Variants in MYO16 observed in about 807,000 individuals in gnomAD.
MYO16 encodes the protein myosin XVI.
A neutral mutation model predicts 205.3 loss-of-function variants in MYO16; 94 were observed. The ratio of observed to expected loss-of-function variants is 0.46; its 90% CI spans 0.39 to 0.54. The LOEUF (loss-of-function observed/expected upper bound fraction) is 0.54. Ranked by LOEUF, MYO16 falls within the 20% of genes least tolerant of loss-of-function variation. MYO16 has a pLI of 0.00. For missense variants in MYO16, 2,315 were observed against 2,387.5 expected (o/e 0.97, Z 0.63); for synonymous variants, 988 against 954.0 (o/e 1.04, Z -0.66).
intron 21 of MYO16, among the ~76,000 whole-genome samples, chr13:108,994,494 AT>A (rs1299623729): frequency 1.3e-5 from 2 of 151,892 alleles, no homozygotes; most frequent in Admixed American, 6.6e-5. Flanking sequence ...TTTGCATGTA[AT>A]TTTTTTTAAG....
intron 7 of MYO16, among the ~76,000 whole-genome samples, chr13:108,810,408 G>C (rs1887253616): frequency 6.6e-6 from 1 of 151,038 alleles, no homozygotes; most frequent in Non-Finnish European, 1.5e-5. Context: ...TGAGGCTTTT[G>C]TTTCAGAATA....
intron 16 of MYO16, among the ~76,000 whole-genome samples, chr13:108,951,925 G>A (rs975001181): frequency 3.9e-5 from 6 of 152,064 alleles, no homozygotes; most frequent in Non-Finnish European, 7.4e-5. Flanking sequence ...CCAACATGGC[G>A]AAATGCCATC....
chr13:108,730,112 C>T (rs1156961083), intron 4 of MYO16, among the ~76,000 whole-genome samples: 1 of 152,182 alleles, frequency 6.6e-6, no homozygotes, highest in Non-Finnish European at 1.5e-5. Flanking sequence ...GCCATGTCCC[C>T]ACTCCAATCT....
chr13:108,803,298 T>G (rs1222701074), intron 6 of MYO16, among the ~76,000 whole-genome samples: 1 of 152,218 alleles, frequency 6.6e-6, no homozygotes, highest in Non-Finnish European at 1.5e-5. Context: ...TAGTGCTACT[T>G]ATTTTAATTT....
intron 7 of MYO16, among the ~76,000 whole-genome samples, chr13:108,807,064 A>T (rs1887137581): frequency 6.6e-6 from 1 of 152,176 alleles, no homozygotes; most frequent in African/African-American, 2.4e-5. Context: ...CATAATACGG[A>T]TTTAAAATGT....
intron 2 of MYO16, among the ~76,000 whole-genome samples, chr13:108,687,929 C>T (rs185943618): frequency 7.2e-5 from 11 of 152,212 alleles, no homozygotes; most frequent in East Asian, 3.9e-4. Context: ...ACTGTGAGAA[C>T]GATGAGGAGC....
At chr13:109,156,406 A>G (rs1878033517) in intron 32 of MYO16, among the ~76,000 whole-genome samples, 1 of 152,174 alleles carries the variant, frequency 6.6e-6, no homozygotes, top group Non-Finnish European at 1.5e-5. Flanking sequence ...GAATTTTCCT[A>G]TAGAGTTTCA....
chr13:108,564,458 T>C, the MYO16 span, among the ~76,000 whole-genome samples: 2 of 152,152 alleles, frequency 1.3e-5, no homozygotes, highest in African/African-American at 4.8e-5. Context: ...TGTGAGCCAC[T>C]GCACCCGGTC....
the MYO16 span, among the ~76,000 whole-genome samples, chr13:108,517,746 T>G: frequency 6.6e-6 from 1 of 152,354 alleles, no homozygotes; most frequent in East Asian, 1.9e-4. Context: ...TTGTTATTAT[T>G]GTTTGCTGGC....
chr13:108,864,317 C>T (rs1442081472), intron 11 of MYO16, among the ~76,000 whole-genome samples: 1 of 152,000 alleles, frequency 6.6e-6, no homozygotes, highest in East Asian at 1.9e-4. Flanking sequence ...TTAGTTGCAT[C>T]CCACAAGTTA....
Position 108,967,303 on chromosome 13 carries a change from T to C in MYO16, c.2369+2401T>C, listed in dbSNP as rs1329780229. ...GTCTATTTGTTACACGATGGATTCA[T>C]TTCTTGGATTACAGTAAAATAGGCC... On this transcript the variant is annotated intron_variant, in intron 20 of 34. Transcript: ENST00000457511. Among the ~76,000 whole-genome samples, 3 of 152,152 alleles carry C rather than the reference T, an allele frequency of 2.0e-5. No individual in the cohort carries two copies. In the East Asian group the frequency reaches 5.8e-4, roughly 29 times the overall value.
the MYO16 span, among the ~76,000 whole-genome samples, chr13:108,567,118 T>C: frequency 6.6e-6 from 1 of 152,116 alleles, no homozygotes; most frequent in Non-Finnish European, 1.5e-5. Flanking sequence ...TTGTTTGCCA[T>C]ATAAGTTGGA....
chr13:108,603,707 G>T (rs1213230021), intron 1 of MYO16, among the ~76,000 whole-genome samples: 2 of 152,044 alleles, frequency 1.3e-5, no homozygotes, highest in African/African-American at 4.8e-5. Flanking sequence ...GGCTATGATT[G>T]TACCAGGTTA....
At chr13:109,017,653 G>T (rs562759803) in intron 22 of MYO16, among the ~76,000 whole-genome samples, 57 of 152,166 alleles carry the variant, frequency 3.7e-4, no homozygotes, top group African/African-American at 1.3e-3. Context: ...TGGAGGCTTT[G>T]TTCATTTCTT....
At chr13:108,945,557 T>A (rs556386752) in intron 16 of MYO16, among the ~76,000 whole-genome samples, 2 of 150,492 alleles carry the variant, frequency 1.3e-5, no homozygotes, top group African/African-American at 2.5e-5. Context: ...TTTCTATTCT[T>A]TTTTTATCTT....
chr13:109,098,162 C>G (rs544125763), intron 27 of MYO16, among the ~76,000 whole-genome samples: 4 of 130,960 alleles, frequency 3.1e-5, no homozygotes, highest in Non-Finnish European at 6.7e-5. Flanking sequence ...CTTGTTCTCT[C>G]TATGAACTGT....
chr13:108,902,062 G>A (rs767003910), intron 15 of MYO16, among the ~76,000 whole-genome samples: 2 of 152,192 alleles, frequency 1.3e-5, no homozygotes, highest in Non-Finnish European at 2.9e-5. Context: ...TAACTCAAGA[G>A]AAATAGGACA....
At chr13:108,552,227 C>T in the MYO16 span, among the ~76,000 whole-genome samples, 2 of 152,128 alleles carry the variant, frequency 1.3e-5, no homozygotes, top group Non-Finnish European at 2.9e-5. Flanking sequence ...TTTTCATGTA[C>T]TTTTCTTGGA....
intron 1 of MYO16, among the ~76,000 whole-genome samples, chr13:108,610,541 C>G (rs74117280): frequency 0.022 from 3,365 of 152,258 alleles, 124 homozygotes; most frequent in African/African-American, 0.075. Flanking sequence ...AAGCATAGAG[C>G]ACAGTGCTAC....
Sources: gnomAD v4.1 joint callset for allele counts (sites outside exome capture counted in the v4.1 genomes callset) on GRCh38, gnomAD v4.1.1 for gene constraint, MANE v1.5 for transcripts, NCBI Gene and HGNC (gene_info 2026-07-23, HGNC 2026-07-21) for gene names.